PCYT1A: variants seen among roughly 807,000 people sequenced by gnomAD.
PCYT1A encodes choline-phosphate cytidylyltransferase A.
PCYT1A carries 25 observed loss-of-function variants against 43.7 expected under a neutral mutation model. That is an observed-to-expected ratio of 0.57 (90% confidence interval 0.42 to 0.80). The LOEUF (loss-of-function observed/expected upper bound fraction) is 0.80. PCYT1A is among the 30% of genes least tolerant of loss of function. The pLI is 0.00. For synonymous variants in PCYT1A, 172 were observed against 170.7 expected, an observed-to-expected ratio of 1.01 and a Z score of -0.06; for missense variants, 421 against 474.2, an observed-to-expected ratio of 0.89 and a Z score of 1.04.
intron 1 of PCYT1A, among the ~76,000 whole-genome samples, chr3:196,279,338 C>A (rs553892048): frequency 1.3e-5 from 2 of 151,310 alleles, no homozygotes; most frequent in East Asian, 3.9e-4. Context: ...TTGTTAAGAC[C>A]TGATCTTTCC....
At chr3:196,240,433 C>G (rs1577353046) in intron 7 of PCYT1A, among the ~76,000 whole-genome samples, 1 of 152,292 alleles carries the variant, frequency 6.6e-6, no homozygotes, top group Non-Finnish European at 1.5e-5. Context: ...GCCTGTAATA[C>G]CAGCACTTTG....
intron 5 of PCYT1A, among the ~76,000 whole-genome samples, chr3:196,245,197 A>T (rs1324788797): frequency 6.9e-6 from 1 of 145,812 alleles, no homozygotes; most frequent in Non-Finnish European, 1.5e-5. Flanking sequence ...GCTGGAGTGT[A>T]GTGGCACAGT....
chr3:196,242,806 C>T lies in PCYT1A; in HGVS notation c.487-166G>A, dbSNP rs1233239662. Reference sequence around the variant, plus strand: ...AATTCTACAATCTATTCACAAACCACCCAACCTAATGATTTATGGAGTATA... The same window carrying T: ...AATTCTACAATCTATTCACAAACCATCCAACCTAATGATTTATGGAGTATA... On this transcript the variant is annotated intron_variant, in intron 5 of 8. Transcript: ENST00000431016. The surrounding 1 kb of genome is among the most constrained non-coding windows in gnomAD (Gnocchi z 4.2). 1 of 629,070 alleles carries T rather than the reference C, an allele frequency of 1.6e-6. No homozygotes were observed. Among genetic ancestry groups the T allele is most frequent in the Non-Finnish European group, 2.9e-6 (1 of 346,048 alleles). 39.0% of individuals were successfully genotyped at this position (629,070 alleles called of 1,614,324 possible). A position where few individuals can be genotyped will look rare whatever the true frequency, so the allele number is the denominator to read the frequency against.
intron 2 of PCYT1A, among the ~76,000 whole-genome samples, chr3:196,263,701 C>T (rs1026169550): frequency 3.3e-5 from 5 of 152,088 alleles, no homozygotes; most frequent in Non-Finnish European, 7.4e-5. Context: ...GGCGCGATCT[C>T]GGCTCACTGC....
chr3:196,279,614 C>CT (rs1725695309), intron 1 of PCYT1A, among the ~76,000 whole-genome samples: 1 of 152,156 alleles, frequency 6.6e-6, no homozygotes, highest in South Asian at 2.1e-4. Context: ...CAACACATGC[C>CT]TGCTGAGGCA....
chr3:196,279,826 C>CTTTTTTT (rs397723929), intron 1 of PCYT1A, among the ~76,000 whole-genome samples: 5 of 50,948 alleles, frequency 9.8e-5, no homozygotes, highest in Non-Finnish European at 1.7e-4. Context: ...CCAGTCCTTT[C>CTTTTTTT]TTTTTTTTTT....
intron 2 of PCYT1A, chr3:196,267,178 C>CAA (rs878961519): frequency 0.034 from 6,530 of 192,168 alleles, 3 homozygotes; most frequent in East Asian, 0.062. Context: ...GACTCAGTCT[C>CAA]AAAAAAAAAA....
intron 2 of PCYT1A, among the ~76,000 whole-genome samples, chr3:196,263,317 G>C (rs1288400513): frequency 6.6e-6 from 1 of 152,122 alleles, no homozygotes; most frequent in African/African-American, 2.4e-5. Context: ...CTAAGCTCAA[G>C]AGATCCTCCT....
At chr3:196,280,224 A>C (rs1270948314) in intron 1 of PCYT1A, among the ~76,000 whole-genome samples, 1 of 152,064 alleles carries the variant, frequency 6.6e-6, no homozygotes, top group Non-Finnish European at 1.5e-5. Flanking sequence ...GTAACAATCT[A>C]AATATAGCAG....
chr3:196,241,336 AT>A, intron 7 of PCYT1A: 1 of 155,132 alleles, frequency 6.4e-6, no homozygotes, highest in Non-Finnish European at 1.4e-5. Context: ...ATTTGCATGA[AT>A]TTTTTTAGTT....
At position 196,273,338 on chromosome 3, in the gene PCYT1A, G is replaced by A. The variant is rs1674336046; in HGVS notation, c.-10-2797C>T. Reference sequence around the variant, plus strand: ...GCCCACAGCGTGGCAAGCAGTGGGGGAGGGGAGGACGTGTTTCGGCTCTGT... The same window carrying A: ...GCCCACAGCGTGGCAAGCAGTGGGGAAGGGGAGGACGTGTTTCGGCTCTGT... On this transcript the variant is annotated intron_variant, in intron 1 of 8. Coordinates refer to ENST00000431016, the MANE Select transcript of PCYT1A (RefSeq NM_001312673.2). This position sits in a 1 kb window ranked among gnomAD's most constrained non-coding sequence, Gnocchi z 4.1. 1.3e-5 allele frequency among the ~76,000 whole-genome samples: 2 copies of A among 152,210 alleles called. No individual in the cohort carries two copies. Among genetic ancestry groups the A allele is most frequent in the African/African-American group, 4.8e-5 (2 of 41,442 alleles).
At chr3:196,261,516 G>A (rs184665878) in intron 2 of PCYT1A, among the ~76,000 whole-genome samples, 223 of 152,184 alleles carry the variant, frequency 1.5e-3, no homozygotes, top group African/African-American at 5.2e-3. Context: ...TTAGCCAGGC[G>A]CAGTGGTGGG....
At chr3:196,279,780 T>C (rs1214554092) in intron 1 of PCYT1A, among the ~76,000 whole-genome samples, 1 of 151,392 alleles carries the variant, frequency 6.6e-6, no homozygotes, top group Non-Finnish European at 1.5e-5. Context: ...GTCTGAAAGA[T>C]GATAGGCTCC....
chr3:196,280,222 C>A (rs917932660), intron 1 of PCYT1A, among the ~76,000 whole-genome samples: 2 of 152,064 alleles, frequency 1.3e-5, no homozygotes, highest in African/African-American at 4.8e-5. Context: ...ATGTAACAAT[C>A]TAAATATAGC....
At position 196,261,417 on chromosome 3, in the gene PCYT1A, G is replaced by C. The variant is rs539381037; in HGVS notation, c.118-3530C>G. 1.2e-4 allele frequency among the ~76,000 whole-genome samples: 19 copies of C among 152,300 alleles called. No individual in the cohort carries two copies. In the South Asian group the frequency reaches 3.5e-3, roughly 28 times the overall value. On this transcript the variant is annotated intron_variant, in intron 2 of 8. Coordinates refer to ENST00000431016, the MANE Select transcript of PCYT1A (RefSeq NM_001312673.2). Reference sequence around the variant, plus strand: ...CTCACACCTGTAATCCCAGCACTGGGAGGCCGAGGCAGGCAGATCATGAGG... The same window carrying C: ...CTCACACCTGTAATCCCAGCACTGGCAGGCCGAGGCAGGCAGATCATGAGG...
intron 8 of PCYT1A, among the ~76,000 whole-genome samples, 165 bp from the exon 9 acceptor site, chr3:196,239,059 G>A (rs1483241298): frequency 1.3e-5 from 2 of 152,064 alleles, no homozygotes; most frequent in African/African-American, 4.8e-5. Context: ...ATCTAGTCTA[G>A]GATTATTCTA....
intron 2 of PCYT1A, among the ~76,000 whole-genome samples, chr3:196,264,217 TC>T (rs1190755716): frequency 6.6e-6 from 1 of 152,134 alleles, no homozygotes; most frequent in Non-Finnish European, 1.5e-5. Context: ...CTCAGTAATC[TC>T]CAAGAACTGT....
Position 196,252,408 on chromosome 3 carries a change from G to A in PCYT1A, c.218-4085C>T, listed in dbSNP as rs776091308. Among the ~76,000 whole-genome samples, 2 of 151,972 alleles carry A rather than the reference G, an allele frequency of 1.3e-5. No individual in the cohort carries two copies. Among genetic ancestry groups the A allele is most frequent in the East Asian group, 1.9e-4 (1 of 5,170 alleles). ...GATTACAGGCGAAAGCCACCAAGCCGGGATAATTTTTGTATTTTTATATTC... is the reference window on the plus strand; with the variant it reads ...GATTACAGGCGAAAGCCACCAAGCCAGGATAATTTTTGTATTTTTATATTC... On this transcript the variant is annotated intron_variant, in intron 3 of 8. Coordinates refer to ENST00000431016, the MANE Select transcript of PCYT1A (RefSeq NM_001312673.2). This position sits in a 1 kb window ranked among gnomAD's most constrained non-coding sequence, Gnocchi z 4.0.
At chr3:196,241,467 C>T in intron 7 of PCYT1A, 1 of 1,264,592 alleles carries the variant, frequency 7.9e-7, no homozygotes, top group Non-Finnish European at 1.0e-6. Flanking sequence ...GCATGAACTA[C>T]CATGCCCAGA....
Sources: allele counts gnomAD v4.1 joint callset (sites outside exome capture counted in the v4.1 genomes callset), GRCh38; gene constraint gnomAD v4.1.1; non-coding constraint Gnocchi (gnomAD v3.1); transcripts MANE v1.5; gene names NCBI Gene and HGNC (gene_info 2026-07-23, HGNC 2026-07-21).